The following CLMN variants were observed in gnomAD, a reference collection of about 807,000 sequenced individuals.
The protein encoded by CLMN is calmin.
In CLMN, 57 loss-of-function variants were observed where a neutral mutation model predicts 92.7. That is an observed-to-expected ratio of 0.61 (90% CI 0.50 to 0.77). The LOEUF is 0.77. CLMN is among the 30% of genes least tolerant of loss of function. The pLI, the probability that CLMN is intolerant of heterozygous loss-of-function variation, is 0.00. For missense variants in CLMN, 1,158 were observed against 1,237.5 expected, an observed-to-expected ratio of 0.94 and a Z score of 0.96; for synonymous variants, 466 against 470.6, an observed-to-expected ratio of 0.99 and a Z score of 0.13.
intron 1 of CLMN, among the ~76,000 whole-genome samples, chr14:95,300,168 C>T (rs1268328864): frequency 2.0e-5 from 3 of 152,224 alleles, no homozygotes; most frequent in Non-Finnish European, 4.4e-5. Flanking sequence ...ACTGGGTTAG[C>T]TCTGGGCCAG....
chr14:95,297,177 T>C (rs552386529), intron 1 of CLMN, among the ~76,000 whole-genome samples: 24 of 152,162 alleles, frequency 1.6e-4, no homozygotes, highest in African/African-American at 5.5e-4. Flanking sequence ...CTCAGTGGAG[T>C]TCCTGTGGTT....
intron 1 of CLMN, among the ~76,000 whole-genome samples, chr14:95,270,600 G>A (rs777059063): frequency 2.6e-5 from 4 of 151,642 alleles, no homozygotes; most frequent in African/African-American, 4.9e-5. Flanking sequence ...ATTATAGGAC[G>A]TTTTCAAGGT....
chr14:95,274,181 G>A lies in CLMN; in HGVS notation c.83-44048C>T, dbSNP rs116381832. ...TTCCCCTGTTACTTTCTTTGCTCCC[G>A]CTTGGTTTCTCCTGAACGTGTTTAG... On this transcript the variant is annotated intron_variant, in intron 1 of 12. Coordinates refer to ENST00000298912, the MANE Select transcript of CLMN (RefSeq NM_024734.4). 2.1e-3 allele frequency among the ~76,000 whole-genome samples: 314 copies of A among 152,028 alleles called. 3 individuals are homozygous for A. The highest frequency in any genetic ancestry group is 7.0e-3 in the African/African-American group (289 of 41,458).
intron 1 of CLMN, among the ~76,000 whole-genome samples, chr14:95,296,794 G>A (rs1389651820): frequency 6.6e-6 from 1 of 152,158 alleles, no homozygotes; most frequent in Non-Finnish European, 1.5e-5. Context: ...ATGCACAGCG[G>A]GCCACACCAG....
Position 95,256,426 on chromosome 14 carries a change from G to C in CLMN, c.83-26293C>G, listed in dbSNP as rs1303017711. On this transcript the variant is annotated intron_variant, in intron 1 of 12. Transcript: ENST00000298912. The surrounding 1 kb of genome is among the most constrained non-coding windows in gnomAD (Gnocchi z 4.9). ...CTGTGACTCAACAGATAATTGCAGTGCTTGACACTGAGAAGCACTCTAACT... is the reference window on the plus strand; with the variant it reads ...CTGTGACTCAACAGATAATTGCAGTCCTTGACACTGAGAAGCACTCTAACT... Among the ~76,000 whole-genome samples, 1 of 152,242 alleles carries C rather than the reference G, an allele frequency of 6.6e-6. No individual in the cohort carries two copies. The highest frequency in any genetic ancestry group is 2.4e-5 in the African/African-American group (1 of 41,464).
In CLMN at chr14:95,186,918, C is replaced by A. The variant is rs1896454631; in HGVS notation, c.*4646G>T. ...TGGTAAAGAAAACCTAGAACCCAGA[C>A]CACCACATAGACTATATCTTTGGGG... On this transcript the variant is annotated 3_prime_UTR_variant, in exon 13 of 13. Coordinates refer to ENST00000298912, the MANE Select transcript of CLMN (RefSeq NM_024734.4). 3 of 152,172 alleles carry A rather than the reference C, an allele frequency of 2.0e-5. No homozygotes were observed. Among genetic ancestry groups the A allele is most frequent in the Admixed American group, 6.5e-5 (1 of 15,278 alleles). The allele number at this position is 152,172 out of a possible 1,614,324, so 9.4% of individuals were successfully genotyped here.
intron 1 of CLMN, among the ~76,000 whole-genome samples, chr14:95,303,111 A>T (rs1392658179): frequency 6.6e-6 from 1 of 152,248 alleles, no homozygotes; most frequent in Non-Finnish European, 1.5e-5. Flanking sequence ...CTCAAGCAGG[A>T]TAACTTTTAA....
At chr14:95,318,474 G>A (rs985777892) in intron 1 of CLMN, among the ~76,000 whole-genome samples, 7 of 152,248 alleles carry the variant, frequency 4.6e-5, no homozygotes, top group African/African-American at 1.4e-4. Flanking sequence ...CCCAACCTAG[G>A]GGTGGGGCAG....
At chr14:95,292,817 C>T (rs1287092497) in intron 1 of CLMN, among the ~76,000 whole-genome samples, 2 of 152,238 alleles carry the variant, frequency 1.3e-5, no homozygotes, top group African/African-American at 4.8e-5. Context: ...CGAGATGAAG[C>T]TCCAAAAGCG....
intron 1 of CLMN, among the ~76,000 whole-genome samples, chr14:95,306,422 G>C (rs939765275): frequency 1.3e-5 from 2 of 152,110 alleles, no homozygotes; most frequent in Admixed American, 1.3e-4. Context: ...CGGCGGCTGA[G>C]GCAGGAGAAT....
intron 1 of CLMN, among the ~76,000 whole-genome samples, chr14:95,319,449 C>G (rs1901944153): frequency 6.6e-6 from 1 of 152,146 alleles, no homozygotes; most frequent in African/African-American, 2.4e-5. Flanking sequence ...GTGACGTCCC[C>G]CTAATGAAAA....
Position 95,183,248 on chromosome 14 carries a change from A to C in CLMN, c.*8316T>G, listed in dbSNP as rs918739853. 6.6e-6 allele frequency: 1 copy of C among 152,208 alleles called. No homozygotes were observed. Among genetic ancestry groups the C allele is most frequent in the African/African-American group, 2.4e-5 (1 of 41,436 alleles). The allele number at this position is 152,208 out of a possible 1,614,324, so 9.4% of individuals were successfully genotyped here. On this transcript the variant is annotated 3_prime_UTR_variant, in exon 13 of 13. Coordinates refer to ENST00000298912, the MANE Select transcript of CLMN (RefSeq NM_024734.4). Reference sequence around the variant, plus strand: ...CTCTCCAGACAACAGGCACTCCCAGAGTTTCCTTTAAAAAAGTGTCTAAAT... The same window carrying C: ...CTCTCCAGACAACAGGCACTCCCAGCGTTTCCTTTAAAAAAGTGTCTAAAT...
Position 95,184,572 on chromosome 14 carries a change from C to T in CLMN, c.*6992G>A, listed in dbSNP as rs1346901387. On this transcript the variant is annotated 3_prime_UTR_variant, in exon 13 of 13. Transcript: ENST00000298912. ...AGGAACTGCTTGCTTGATGTGTTCT[C>T]ATCAAGGTTCTCAGAACAAGTTCTA... The T allele has an allele frequency of 6.6e-6, 1 of 152,242 alleles. No homozygotes were observed. Among genetic ancestry groups the T allele is most frequent in the Non-Finnish European group, 1.5e-5 (1 of 68,044 alleles). 9.4% of individuals were successfully genotyped at this position (152,242 alleles called of 1,614,324 possible). A position where few individuals can be genotyped will look rare whatever the true frequency, so the allele number is the denominator to read the frequency against.
chr14:95,305,327 CTG>C (rs1333249246), intron 1 of CLMN, among the ~76,000 whole-genome samples: 1 of 152,252 alleles, frequency 6.6e-6, no homozygotes, highest in East Asian at 1.9e-4. Flanking sequence ...CCATTGAGCA[CTG>C]TGTGAGCCAC....
chr14:95,274,025 G>A (rs1373143373), intron 1 of CLMN, among the ~76,000 whole-genome samples: 4 of 152,180 alleles, frequency 2.6e-5, no homozygotes, highest in Non-Finnish European at 4.4e-5. Flanking sequence ...CAAAGAACGG[G>A]TCCTTTACCG....
intron 1 of CLMN, among the ~76,000 whole-genome samples, chr14:95,291,376 C>T (rs1900560124): frequency 6.6e-6 from 1 of 152,218 alleles, no homozygotes; most frequent in Admixed American, 6.5e-5. Context: ...TCCTGCGTCT[C>T]GGGGCTGGCT....
Position 95,194,486 on chromosome 14 carries a change from G to A in CLMN, c.2769+50C>T. 1 of 1,613,638 alleles carries A rather than the reference G, an allele frequency of 6.2e-7. No individual in the cohort carries two copies. The highest frequency in any genetic ancestry group is 8.5e-7 in the Non-Finnish European group (1 of 1,179,616). On this transcript the variant is annotated intron_variant, in intron 11 of 12. Transcript: ENST00000298912. This position sits in a 1 kb window ranked among gnomAD's most constrained non-coding sequence, Gnocchi z 4.0. ...GCTGGGGAGGAGGAAGGATGGAAAG[G>A]AATTGATTAGCAGGGGCCGTGCGGA...
At chr14:95,258,107 G>A (rs1899077488) in intron 1 of CLMN, among the ~76,000 whole-genome samples, 1 of 151,896 alleles carries the variant, frequency 6.6e-6, no homozygotes, top group South Asian at 2.1e-4. Flanking sequence ...TGTGTATTCA[G>A]CACATGTGCA....
chr14:95,268,065 T>C (rs533224802), intron 1 of CLMN, among the ~76,000 whole-genome samples: 1 of 152,224 alleles, frequency 6.6e-6, no homozygotes, highest in South Asian at 2.1e-4. Context: ...GGTATAAAAA[T>C]TCCGTTGGAT....
Sources: gnomAD v4.1 joint callset for allele counts (sites outside exome capture counted in the v4.1 genomes callset) on GRCh38, gnomAD v4.1.1 for gene constraint, Gnocchi (gnomAD v3.1) non-coding constraint, MANE v1.5 for transcripts, NCBI Gene and HGNC (gene_info 2026-07-23, HGNC 2026-07-21) for gene names.